The following RTKN2 variants were observed in gnomAD, a reference collection of about 807,000 sequenced individuals.
RTKN2 encodes the protein rhotekin-2.
Under a neutral mutation model 71.5 loss-of-function variants are expected in RTKN2, and 69 were observed. The ratio of observed to expected loss-of-function variants is 0.96; its 90% CI spans 0.79 to 1.18. RTKN2 has a LOEUF of 1.18. RTKN2 is among the 50% of genes most tolerant of loss of function. The pLI is 0.00. For missense variants in RTKN2, 724 were observed against 719.7 expected, an observed-to-expected ratio of 1.01 and a Z score of -0.07; for synonymous variants, 236 against 236.5, an observed-to-expected ratio of 1.00 and a Z score of 0.02.
chr10:62,247,372 C>T (rs1002936483), intron 2 of RTKN2, among the ~76,000 whole-genome samples: 10 of 151,710 alleles, frequency 6.6e-5, no homozygotes, highest in South Asian at 6.2e-4. Flanking sequence ...AAAGTTCATA[C>T]GTTTATATGA....
At chr10:62,249,154 C>T (rs2133050643) in intron 2 of RTKN2, among the ~76,000 whole-genome samples, 1 of 152,098 alleles carries the variant, frequency 6.6e-6, no homozygotes, top group African/African-American at 2.4e-5. Flanking sequence ...TTTTGAGATA[C>T]AGTACCTGAG....
intron 6 of RTKN2, among the ~76,000 whole-genome samples, chr10:62,225,928 C>T (rs1842013025): frequency 6.6e-6 from 1 of 151,918 alleles, no homozygotes; most frequent in African/African-American, 2.4e-5. Context: ...ACTACAGGCG[C>T]CCGCCACCAT....
At chr10:62,239,885 C>G in intron 4 of RTKN2, 120 bp from the exon 5 acceptor site, 2 of 622,324 alleles carry the variant, frequency 3.2e-6, no homozygotes, top group Non-Finnish European at 5.7e-6. Flanking sequence ...ACATTGTATA[C>G]TGTAACCCTT....
chr10:62,262,823 T>TAAA lies in RTKN2; in HGVS notation c.61-5_61-3dup. ...TATTTTTTCTTGAATGTTGCAGTCC[T>TAAA]AAAAAAAAAATGCATCTTGAAAATA... On this transcript the variant is annotated splice_polypyrimidine_tract_variant and splice_region_variant and intron_variant, in intron 1 of 11. Transcript: ENST00000373789. 1 of 1,386,490 alleles carries TAAA rather than the reference T, an allele frequency of 7.2e-7. No homozygotes were observed. Among genetic ancestry groups the TAAA allele is most frequent in the South Asian group, 1.4e-5 (1 of 73,642 alleles). 85.9% of individuals were successfully genotyped at this position (1,386,490 alleles called of 1,614,324 possible).
chr10:62,215,454 C>A (rs758724615), intron 9 of RTKN2, among the ~76,000 whole-genome samples: 1 of 151,858 alleles, frequency 6.6e-6, no homozygotes, highest in Non-Finnish European at 1.5e-5. Context: ...TGATGAGGTC[C>A]TGGATCAGAC....
intron 8 of RTKN2, among the ~76,000 whole-genome samples, chr10:62,187,627 C>CT (rs1448795347): frequency 6.6e-6 from 1 of 152,086 alleles, no homozygotes; most frequent in African/African-American, 2.4e-5. Flanking sequence ...ATGTGAACCA[C>CT]TTTTTTTTCC....
intron 2 of RTKN2, chr10:62,259,309 G>GC: frequency 3.0e-6 from 1 of 329,542 alleles, no homozygotes; most frequent in Non-Finnish European, 6.2e-6. Flanking sequence ...TGTATTAACA[G>GC]TGTGAAAATG....
intron 2 of RTKN2, among the ~76,000 whole-genome samples, chr10:62,262,351 G>T: frequency 6.6e-6 from 1 of 151,870 alleles, no homozygotes. Flanking sequence ...ATCAATATTG[G>T]TACTTTCTTC....
In RTKN2 at chr10:62,268,538, T is replaced by C; in HGVS notation, c.60+13A>G. 6.4e-7 allele frequency: 1 copy of C among 1,552,770 alleles called. No homozygotes were observed. Among genetic ancestry groups the C allele is most frequent in the Non-Finnish European group, 8.7e-7 (1 of 1,147,862 alleles). ...CCCTCACCTTCCGCGGCAGGGTCCC[T>C]CCCGCAACTCACCTGCTGGGTGGGA... On this transcript the variant is annotated intron_variant, in intron 1 of 11. Coordinates refer to ENST00000373789, the MANE Select transcript of RTKN2 (RefSeq NM_145307.4).
intron 8 of RTKN2, among the ~76,000 whole-genome samples, chr10:62,186,840 C>T (rs1164243132): frequency 6.6e-6 from 1 of 152,076 alleles, no homozygotes; most frequent in African/African-American, 2.4e-5. Context: ...TAGCAGAGTC[C>T]TGTATATGAT....
At chr10:62,248,978 A>G (rs1429897460) in intron 2 of RTKN2, among the ~76,000 whole-genome samples, 4 of 152,222 alleles carry the variant, frequency 2.6e-5, no homozygotes, top group African/African-American at 7.2e-5. Flanking sequence ...GTAAAAATTA[A>G]AACACTCAAA....
chr10:62,214,572 G>T (rs1841728071), intron 9 of RTKN2, among the ~76,000 whole-genome samples: 1 of 152,050 alleles, frequency 6.6e-6, no homozygotes, highest in South Asian at 2.1e-4. Flanking sequence ...TATAAACATT[G>T]TCACCACTTT....
intron 4 of RTKN2, among the ~76,000 whole-genome samples, chr10:62,240,783 A>T (rs920047908): frequency 6.6e-6 from 1 of 152,202 alleles, no homozygotes; most frequent in African/African-American, 2.4e-5. Context: ...TAATGAAATA[A>T]GGCAGAAAAA....
chr10:62,223,378 A>G lies in RTKN2; in HGVS notation c.687-46T>C, dbSNP rs768454316. 4 of 1,092,046 alleles carry G rather than the reference A, an allele frequency of 3.7e-6. No homozygotes were observed. The South Asian group carries it at 5.1e-5, about 14-fold the overall frequency. The allele number at this position is 1,092,046 out of a possible 1,614,324, so 67.6% of individuals were successfully genotyped here. On this transcript the variant is annotated intron_variant, in intron 6 of 11. Coordinates refer to ENST00000373789, the MANE Select transcript of RTKN2 (RefSeq NM_145307.4). ...ATGTTTTAAGTATTTTTGTATTTCT[A>G]CTACTACACAAAATATTTGTATGTT... is the stretch of plus-strand genomic sequence containing the variant.
At chr10:62,223,441 C>T in intron 6 of RTKN2, 109 bp from the exon 7 acceptor site, 1 of 670,260 alleles carries the variant, frequency 1.5e-6, no homozygotes, top group South Asian at 1.9e-5. Flanking sequence ...TAAAGATAAG[C>T]AAAGGACGTG....
At chr10:62,268,400 C>G (rs965169779) in intron 1 of RTKN2, 151 bp downstream of exon 1, 1 of 771,480 alleles carries the variant, frequency 1.3e-6, no homozygotes, top group Non-Finnish European at 2.2e-6. Context: ...GCCCCAAGAG[C>G]GCAGTCTCCT....
intron 6 of RTKN2, among the ~76,000 whole-genome samples, chr10:62,226,131 T>G (rs1454520836): frequency 2.0e-5 from 3 of 152,192 alleles, no homozygotes; most frequent in South Asian, 2.1e-4. Flanking sequence ...ATGATTTTCT[T>G]GATTTTATTT....
At chr10:62,250,435 C>T (rs1842559651) in intron 2 of RTKN2, among the ~76,000 whole-genome samples, 1 of 152,040 alleles carries the variant, frequency 6.6e-6, no homozygotes, top group South Asian at 2.1e-4. Context: ...AACCAGCATC[C>T]CAAAAGACAT....
chr10:62,261,142 C>T (rs1242113452), intron 2 of RTKN2, among the ~76,000 whole-genome samples: 2 of 152,154 alleles, frequency 1.3e-5, no homozygotes, highest in Non-Finnish European at 2.9e-5. Flanking sequence ...GTATGCCTAT[C>T]TGAAAAACAT....
Sources: allele counts gnomAD v4.1 joint callset (sites outside exome capture counted in the v4.1 genomes callset), GRCh38; gene constraint gnomAD v4.1.1; transcripts MANE v1.5; gene names NCBI Gene and HGNC (gene_info 2026-07-23, HGNC 2026-07-21).